GATB: variants seen among roughly 807,000 people sequenced by gnomAD.
GATB encodes the protein glutamyl-tRNA(Gln) amidotransferase subunit B, mitochondrial.
Under a neutral mutation model 62.3 loss-of-function variants are expected in GATB, and 39 were observed. The ratio of observed to expected loss-of-function variants is 0.63; its 90% CI spans 0.48 to 0.82. The LOEUF is 0.82. GATB is among the 40% of genes least tolerant of loss of function. The pLI is 0.00. For missense variants in GATB, 670 were observed against 684.0 expected (o/e 0.98, Z 0.23); for synonymous variants, 276 against 258.9 (o/e 1.07, Z -0.63).
intron 11 of GATB, among the ~76,000 whole-genome samples, chr4:151,678,558 A>C (rs996737546): frequency 1.3e-5 from 2 of 152,094 alleles, no homozygotes; most frequent in Non-Finnish European, 2.9e-5. Context: ...CATCCAGACA[A>C]GCAAGAGCCT....
intron 3 of GATB, among the ~76,000 whole-genome samples, chr4:151,719,013 T>C (rs1738971852): frequency 6.6e-6 from 1 of 152,164 alleles, no homozygotes; most frequent in South Asian, 2.1e-4. Context: ...GCCCTATTAT[T>C]GGGAACTTCA....
intron 2 of GATB, among the ~76,000 whole-genome samples, chr4:151,751,198 A>G (rs1739714695): frequency 6.6e-6 from 1 of 152,048 alleles, no homozygotes; most frequent in South Asian, 2.1e-4. Context: ...CATTATTTGG[A>G]CTTTGAGAAC....
chr4:151,711,334 C>A (rs923733469), intron 5 of GATB, among the ~76,000 whole-genome samples: 3 of 152,254 alleles, frequency 2.0e-5, no homozygotes, highest in Non-Finnish European at 2.9e-5. Context: ...GTGATTACCA[C>A]TGCACCTGGG....
intron 10 of GATB, among the ~76,000 whole-genome samples, chr4:151,682,834 C>T (rs976384185): frequency 3.3e-5 from 5 of 152,152 alleles, no homozygotes; most frequent in African/African-American, 9.7e-5. Flanking sequence ...CTGCTGCGCA[C>T]AGGATTCTGT....
At chr4:151,707,959 G>A in intron 6 of GATB, 29 bp downstream of exon 6, 7 of 1,377,880 alleles carry the variant, frequency 5.1e-6, no homozygotes, top group Non-Finnish European at 7.3e-6. Context: ...ATAGGAAGAA[G>A]GACACTAGGA....
Position 151,703,841 on chromosome 4 carries a change from G to C in GATB, c.1007+10C>G, listed in dbSNP as rs921788894. 1 of 1,573,690 alleles carries C rather than the reference G, an allele frequency of 6.4e-7. No individual in the cohort carries two copies. The highest frequency in any genetic ancestry group is 1.1e-5 in the South Asian group (1 of 90,300). On this transcript the variant is annotated intron_variant, in intron 8 of 12. Coordinates refer to ENST00000263985, the MANE Select transcript of GATB (RefSeq NM_004564.3). Reference sequence around the variant, plus strand: ...ATATATAGCGGTATTTTGCCATAAGGAGTAACCACCTGTAGTCCTGTTTTC... The same window carrying C: ...ATATATAGCGGTATTTTGCCATAAGCAGTAACCACCTGTAGTCCTGTTTTC...
rs1193465605 is a variant in GATB at position 151,701,479 on chromosome 4, G to A, written c.1047C>T (p.Tyr349=). The change falls in exon 9 of 13, where the codon TAC becomes TAT. Residue 349 remains tyrosine (Y), a synonymous_variant. Transcript: ENST00000263985. ...CACCTGCGGGCAGAGATGTGGCGTCGTAGAGCACCAGGGGAGGCAGGTTGG... is the reference window on the plus strand; with the variant it reads ...CACCTGCGGGCAGAGATGTGGCGTCATAGAGCACCAGGGGAGGCAGGTTGG... ...PEPNLPPLVL[Y]DATSLPAGAD... 4.4e-6 allele frequency: 7 copies of A among 1,587,476 alleles called. No individual in the cohort carries two copies. The highest frequency in any genetic ancestry group is 1.7e-4 in the Middle Eastern group (1 of 6,006).
chr4:151,682,760 T>C (rs1578897573), intron 10 of GATB, among the ~76,000 whole-genome samples: 1 of 152,118 alleles, frequency 6.6e-6, no homozygotes, highest in African/African-American at 2.4e-5. Flanking sequence ...CCACCTTCTC[T>C]GCTTCTGTTA....
intron 4 of GATB, 63 bp downstream of exon 4, chr4:151,716,813 G>A (rs1398469382): frequency 9.5e-6 from 14 of 1,476,240 alleles, no homozygotes; most frequent in South Asian, 1.2e-5. Context: ...GCGGTGAAAA[G>A]AGGGCCCTGC....
chr4:151,759,577 T>C (rs1739907493), intron 1 of GATB, among the ~76,000 whole-genome samples: 1 of 152,206 alleles, frequency 6.6e-6, no homozygotes, highest in African/African-American at 2.4e-5. Flanking sequence ...TCACTTTCAA[T>C]TCCTGAGACC....
rs1251213891 is a variant in GATB, at chr4:151,732,055, G to A, written c.328-12517C>T. The stretch of plus-strand genomic sequence containing the variant: ...CAGCCGCCCCGTCCGGGAGGGAGGT[G>A]GGGGGGTCAGCCCCCGCCCGGCCAG... On this transcript the variant is annotated intron_variant, in intron 2 of 12. Coordinates refer to ENST00000263985, the MANE Select transcript of GATB (RefSeq NM_004564.3). Among the ~76,000 whole-genome samples, 31 of 51,604 alleles carry A rather than the reference G, an allele frequency of 6.0e-4. 2 individuals are homozygous for A. In the East Asian group the frequency reaches 8.8e-3, roughly 15 times the overall value. The allele number at this position is 51,604 out of a possible 152,430, so 33.9% of individuals were successfully genotyped here. A position where few individuals can be genotyped will look rare whatever the true frequency, so the allele number is the denominator to read the frequency against.
chr4:151,699,878 C>T (rs1214529798), intron 9 of GATB, among the ~76,000 whole-genome samples: 1 of 152,208 alleles, frequency 6.6e-6, no homozygotes, highest in Admixed American at 6.5e-5. Context: ...GTTCATCATA[C>T]ACTACCTCAA....
Position 151,719,408 on chromosome 4 carries a change from T to C in GATB, c.441+17A>G. Reference sequence around the variant, plus strand: ...CTCTGAGAACTTGCAGTGGGGTGGATCACAAAGTGTACTTACAGGGAGGTC... The same window carrying C: ...CTCTGAGAACTTGCAGTGGGGTGGACCACAAAGTGTACTTACAGGGAGGTC... On this transcript the variant is annotated intron_variant, in intron 3 of 12. Coordinates refer to ENST00000263985, the MANE Select transcript of GATB (RefSeq NM_004564.3). The C allele has an allele frequency of 6.4e-7, 1 of 1,571,674 alleles. No homozygotes were observed. The highest frequency in any genetic ancestry group is 1.7e-5 in the Admixed American group (1 of 59,620).
intron 6 of GATB, 147 bp downstream of exon 6, chr4:151,707,841 A>G (rs1291251592): frequency 1.6e-6 from 1 of 610,066 alleles, no homozygotes; most frequent in Non-Finnish European, 2.9e-6. Context: ...CCACAGCCAC[A>G]TGAGTGAGCC....
intron 5 of GATB, 52 bp downstream of exon 5, chr4:151,715,957 T>C (rs1216864185): frequency 1.9e-6 from 3 of 1,592,006 alleles, no homozygotes; most frequent in Admixed American, 1.7e-5. Context: ...AGAGAGGTTC[T>C]AGAAGGCAGG....
At chr4:151,686,647 G>GCCCCCCC (rs1560843430) in intron 10 of GATB, among the ~76,000 whole-genome samples, 18 of 51,264 alleles carry the variant, frequency 3.5e-4, no homozygotes, top group Middle Eastern at 0.018. Flanking sequence ...ACCAGTCCCC[G>GCCCCCCC]CCCCGCCCCC....
chr4:151,671,109 G>A lies in GATB; in HGVS notation c.*65C>T. ...GGCACATGGGCATCAGCTTTCACAG[G>A]ATCCTGTTCCCAGTCAGGCTGCACT... On this transcript the variant is annotated 3_prime_UTR_variant, in exon 13 of 13. Transcript: ENST00000263985. 3 of 1,586,938 alleles carry A rather than the reference G, an allele frequency of 1.9e-6. No homozygotes were observed. The highest frequency in any genetic ancestry group is 2.6e-6 in the Non-Finnish European group (3 of 1,159,064).
At chr4:151,672,628 G>T (rs768671443) in intron 12 of GATB, 134 bp downstream of exon 12, 1 of 853,804 alleles carries the variant, frequency 1.2e-6, no homozygotes, top group Non-Finnish European at 1.8e-6. Context: ...AAAGATGACA[G>T]TGAGGGAATT....
intron 10 of GATB, among the ~76,000 whole-genome samples, chr4:151,685,344 CA>C (rs1738221575): frequency 6.6e-6 from 1 of 152,158 alleles, no homozygotes; most frequent in South Asian, 2.1e-4. Flanking sequence ...AGGAGGCTGA[CA>C]GCACCTGTGG....
Sources: allele counts gnomAD v4.1 joint callset (sites outside exome capture counted in the v4.1 genomes callset), GRCh38; gene constraint gnomAD v4.1.1; transcripts MANE v1.5; gene names NCBI Gene and HGNC (gene_info 2026-07-23, HGNC 2026-07-21).